PCDHGB3: variants seen among roughly 807,000 people sequenced by gnomAD.
The protein encoded by PCDHGB3 is protocadherin gamma subfamily B, 3, also known as protocadherin gamma-B3.
A neutral mutation model predicts 59.2 loss-of-function variants in PCDHGB3; 40 were observed. That is an observed-to-expected ratio of 0.68 (90% CI 0.52 to 0.88). The LOEUF (loss-of-function observed/expected upper bound fraction) is 0.88, where lower values mean the gene tolerates loss of function less well. PCDHGB3 is among the 40% of genes least tolerant of loss of function. The pLI is 0.00. For missense variants in PCDHGB3, 1,309 were observed against 1,187.9 expected, an observed-to-expected ratio of 1.10 and a Z score of -1.50; for synonymous variants, 581 against 503.6, an observed-to-expected ratio of 1.15 and a Z score of -2.06.
At chr5:141,446,079 A>T (rs2098487021) in intron 1 of PCDHGB3, among the ~76,000 whole-genome samples, 1 of 152,234 alleles carries the variant, frequency 6.6e-6, no homozygotes, top group Non-Finnish European at 1.5e-5. Context: ...CAGTGGATGT[A>T]GAAATAAATG....
At chr5:141,449,888 A>G (rs544369390) in intron 1 of PCDHGB3, among the ~76,000 whole-genome samples, 1 of 151,990 alleles carries the variant, frequency 6.6e-6, no homozygotes, top group Non-Finnish European at 1.5e-5. Flanking sequence ...ATGCAATATA[A>G]TTATTTAGCC....
chr5:141,409,055 G>T (rs141881204), intron 1 of PCDHGB3: 10 of 1,614,038 alleles, frequency 6.2e-6, no homozygotes, highest in Non-Finnish European at 8.5e-6. Flanking sequence ...CCGAAGCACT[G>T]CCCAGAGCAC....
Position 141,491,140 on chromosome 5 carries a change from T to A in PCDHGB3, c.2416-3667T>A, listed in dbSNP as rs1392575961. On this transcript the variant is annotated intron_variant, in intron 1 of 3. Coordinates refer to ENST00000576222, the MANE Select transcript of PCDHGB3 (RefSeq NM_018924.5). This position sits in a 1 kb window ranked among gnomAD's most constrained non-coding sequence, Gnocchi z 6.9. ...TGGTGAGGTGCGCACAGCCCGGGCC[T>A]TACTGGAGGATGACTCTGACACCCA... 2 of 1,614,110 alleles carry A rather than the reference T, an allele frequency of 1.2e-6. No individual in the cohort carries two copies. Among genetic ancestry groups the A allele is most frequent in the Non-Finnish European group, 1.7e-6 (2 of 1,179,992 alleles).
intron 1 of PCDHGB3, chr5:141,382,952 T>C (rs781221322): frequency 6.2e-7 from 1 of 1,601,438 alleles, no homozygotes; most frequent in Non-Finnish European, 8.5e-7. Context: ...CTGCTCTCCA[T>C]CCTCCTGGGG....
chr5:141,370,460 C>G lies in PCDHGB3; in HGVS notation c.66C>G (p.Leu22=), dbSNP rs373931690. 43 of 1,612,562 alleles carry G rather than the reference C, an allele frequency of 2.7e-5. No homozygotes were observed. The highest frequency in any genetic ancestry group is 4.5e-5 in the East Asian group (2 of 44,868). The part of the protein sequence containing the change: ...GQRRMLFLFL[L]SLLDQALSEP... ...GGCGAATGCTATTTCTCTTCCTGCT[C>G]TCTTTGTTAGACCAGGCTCTCTCCG... The change falls in exon 1 of 4, where the codon CTC becomes CTG. Residue 22 remains leucine, a synonymous_variant. Coordinates refer to ENST00000576222, the MANE Select transcript of PCDHGB3 (RefSeq NM_018924.5).
chr5:141,406,600 G>A (rs1172246444), intron 1 of PCDHGB3, among the ~76,000 whole-genome samples: 2 of 152,144 alleles, frequency 1.3e-5, no homozygotes, highest in African/African-American at 4.8e-5. Flanking sequence ...AATGGTGAAA[G>A]TTGTCACATC....
intron 1 of PCDHGB3, chr5:141,373,841 C>T: frequency 2.3e-6 from 1 of 438,764 alleles, no homozygotes; most frequent in Non-Finnish European, 4.0e-6. Flanking sequence ...TAAGTTAGGA[C>T]TCTAAGCGTC....
chr5:141,409,567 G>A (rs974585499), intron 1 of PCDHGB3: 1 of 1,613,896 alleles, frequency 6.2e-7, no homozygotes, highest in African/African-American at 1.3e-5. Flanking sequence ...TCGACCAGAC[G>A]TCCTACGTGG....
chr5:141,478,851 C>T, intron 1 of PCDHGB3: 1 of 1,374,810 alleles, frequency 7.3e-7, no homozygotes, highest in Non-Finnish European at 9.6e-7. Context: ...AGCTAAAACA[C>T]AAGATCTCAG....
At position 141,476,359 on chromosome 5, in the gene PCDHGB3, G is replaced by A; in HGVS notation, c.2416-18448G>A. On this transcript the variant is annotated intron_variant, in intron 1 of 3. Coordinates refer to ENST00000576222, the MANE Select transcript of PCDHGB3 (RefSeq NM_018924.5). This position sits in a 1 kb window ranked among gnomAD's most constrained non-coding sequence, Gnocchi z 7.6. ...GCCGAAGATTCTTTGAGGTGAACCG[G>A]GAGACCGGAGAGATGTTTGTGAACG... The A allele has an allele frequency of 6.2e-7, 1 of 1,614,170 alleles. No individual in the cohort carries two copies. The highest frequency in any genetic ancestry group is 8.5e-7 in the Non-Finnish European group (1 of 1,180,020).
chr5:141,503,304 A>G (rs946582779), intron 2 of PCDHGB3, among the ~76,000 whole-genome samples: 1 of 152,150 alleles, frequency 6.6e-6, no homozygotes, highest in African/African-American at 2.4e-5. Flanking sequence ...ATTGCTCAAG[A>G]AAGAATTGTT....
intron 1 of PCDHGB3, chr5:141,374,363 G>A: frequency 6.2e-7 from 1 of 1,614,034 alleles, no homozygotes; most frequent in Non-Finnish European, 8.5e-7. Context: ...AGACCGCGAG[G>A]AGCTCTGTGC....
chr5:141,477,066 T>C lies in PCDHGB3; in HGVS notation c.2416-17741T>C. ...CGGCTGGACTTCGAGGACACCAAAC[T>C]CCATGAGATTTACATCCAGGCCAAA... On this transcript the variant is annotated intron_variant, in intron 1 of 3. Coordinates refer to ENST00000576222, the MANE Select transcript of PCDHGB3 (RefSeq NM_018924.5). This position sits in a 1 kb window ranked among gnomAD's most constrained non-coding sequence, Gnocchi z 4.9. 6.2e-7 allele frequency: 1 copy of C among 1,614,148 alleles called. No homozygotes were observed. The highest frequency in any genetic ancestry group is 8.5e-7 in the Non-Finnish European group (1 of 1,180,028).
intron 1 of PCDHGB3, chr5:141,421,138 G>T (rs2096548427): frequency 1.1e-6 from 1 of 899,466 alleles, no homozygotes. Context: ...ATATATTTTG[G>T]ATGTAGTCGG....
At chr5:141,408,947 ATTAGTC>A in intron 1 of PCDHGB3, 6 of 1,613,666 alleles carry the variant, frequency 3.7e-6, no homozygotes, top group Non-Finnish European at 5.1e-6. Context: ...CGAATATAGA[ATTAGTC>A]TTAGTGAAAA....
Position 141,372,061 on chromosome 5 carries a change from AC to A in PCDHGB3, c.1668del (p.Asn556LysfsTer33), listed in dbSNP as rs773665526. On this transcript the variant is annotated frameshift_variant, in exon 1 of 4. Coordinates refer to ENST00000576222, the MANE Select transcript of PCDHGB3 (RefSeq NM_018924.5). LOFTEE classifies it high-confidence loss of function. Reference protein sequence around the residue: ...VSLRVLVDDRNDNAPLVLYPA... With the variant: ...VSLRVLVDDRXDNAPLVLYPA... ...CTGCGCGTGTTGGTGGACGACCGCA[AC>A]GACAATGCACCGCTGGTGCTGTACC... 71 of 1,613,454 alleles carry A rather than the reference AC, an allele frequency of 4.4e-5. No homozygotes were observed. The African/African-American group carries it at 9.1e-4, about 21-fold the overall frequency.
chr5:141,386,398 C>T (rs904703549), intron 1 of PCDHGB3, among the ~76,000 whole-genome samples: 2 of 151,972 alleles, frequency 1.3e-5, no homozygotes, highest in South Asian at 2.1e-4. Flanking sequence ...ACACTTTTAG[C>T]CAGGTATGGT....
rs1390739125 is a variant in PCDHGB3 at position 141,490,094 on chromosome 5, C to T, written c.2416-4713C>T. ...CTAGACTATTCTTTTGGAGACCACA[C>T]ATCTGAGGCAGTGCGGAACCTCTTT... On this transcript the variant is annotated intron_variant, in intron 1 of 3. Coordinates refer to ENST00000576222, the MANE Select transcript of PCDHGB3 (RefSeq NM_018924.5). This position sits in a 1 kb window ranked among gnomAD's most constrained non-coding sequence, Gnocchi z 5.4. 1 of 1,614,250 alleles carries T rather than the reference C, an allele frequency of 6.2e-7. No individual in the cohort carries two copies. The highest frequency in any genetic ancestry group is 2.2e-5 in the East Asian group (1 of 44,888).
intron 1 of PCDHGB3, chr5:141,403,867 A>C (rs755401788): frequency 1.1e-5 from 17 of 1,613,606 alleles, no homozygotes; most frequent in Admixed American, 3.3e-5. Flanking sequence ...CAACAGCAAA[A>C]AGTCTAGATT....
Sources: gnomAD v4.1 joint callset for allele counts (sites outside exome capture counted in the v4.1 genomes callset) on GRCh38, gnomAD v4.1.1 for gene constraint, Gnocchi (gnomAD v3.1) non-coding constraint, MANE v1.5 for transcripts, NCBI Gene and HGNC (gene_info 2026-07-23, HGNC 2026-07-21) for gene names.